The following IQSEC2 variants were observed in gnomAD, a reference collection of about 807,000 sequenced individuals.
IQSEC2 encodes IQ motif and SEC7 domain-containing protein 2.
Under a neutral mutation model 74.6 loss-of-function variants are expected in IQSEC2, and 6 were observed. The observed-to-expected ratio is 0.08, with a 90% CI of 0.04 to 0.16. The LOEUF is 0.16. IQSEC2 is among the 10% of genes least tolerant of loss of function. The pLI is 1.00. For missense variants in IQSEC2, 734 were observed against 1,306.2 expected (o/e 0.56, Z 6.75); for synonymous variants, 494 against 544.5 (o/e 0.91, Z 1.29).
Position 53,250,737 on chromosome X carries a change from G to A in IQSEC2, c.1839C>T (p.Gly613=). ...CATACACCAGCTGGCGGTGGACAGA[G>A]CCGCGATCTGAGCGGTCACTCAGGT... is the stretch of plus-strand genomic sequence containing the variant. ...SVDLSDRSDR[G]SVHRQLVYEA... is the part of the protein sequence containing the mutation. The change falls in exon 5 of 15, where the codon GGC becomes GGT. Residue 613 remains glycine (G), a synonymous_variant. Coordinates refer to ENST00000642864, the MANE Select transcript of IQSEC2 (RefSeq NM_001111125.3). 2 of 1,211,322 alleles carry A rather than the reference G, an allele frequency of 1.7e-6. No individual in the cohort carries two copies. The highest frequency in any genetic ancestry group is 2.2e-6 in the Non-Finnish European group (2 of 895,246).
At chrX:53,318,282 G>C (rs1240213610) in intron 1 of IQSEC2, among the ~76,000 whole-genome samples, 2 of 112,199 alleles carry the variant, frequency 1.8e-5, no homozygotes, top group East Asian at 2.8e-4. Flanking sequence ...TATATGGTCA[G>C]GAGAGAAACT....
chrX:53,266,891 G>T, intron 2 of IQSEC2: 1 of 575,967 alleles, frequency 1.7e-6, no homozygotes, highest in South Asian at 2.5e-5. Context: ...GAATCTGCGG[G>T]GGGGTGGGTG....
At chrX:53,298,928 T>C (rs1476805336) in intron 1 of IQSEC2, among the ~76,000 whole-genome samples, 1 of 112,163 alleles carries the variant, frequency 8.9e-6, no homozygotes, top group Non-Finnish European at 1.9e-5. Context: ...TTTATGTTTG[T>C]TTGTTTGTTT....
At chrX:53,282,548 G>A (rs2074981222) in intron 2 of IQSEC2, among the ~76,000 whole-genome samples, 1 of 112,715 alleles carries the variant, frequency 8.9e-6, no homozygotes, top group Non-Finnish European at 1.9e-5. Context: ...CCCTGGGAGG[G>A]GCCAGGGGGC....
At chrX:53,282,509 G>A (rs1013402545) in intron 2 of IQSEC2, among the ~76,000 whole-genome samples, 4 of 113,005 alleles carry the variant, frequency 3.5e-5, no homozygotes, top group Non-Finnish European at 7.5e-5. Context: ...CCAGAGCCCA[G>A]GCCCCTGGCT....
chrX:53,285,314 C>T (rs2147278578), intron 2 of IQSEC2, among the ~76,000 whole-genome samples: 1 of 112,745 alleles, frequency 8.9e-6, no homozygotes, highest in Non-Finnish European at 1.9e-5. Context: ...TGGGCTTCAT[C>T]ACAGCAGGGC....
At chrX:53,258,711 C>T (rs1397138725) in intron 2 of IQSEC2, among the ~76,000 whole-genome samples, 1 of 110,533 alleles carries the variant, frequency 9.0e-6, no homozygotes, top group Non-Finnish European at 1.9e-5. Context: ...AAAAATTAGC[C>T]GGGCGTGGTG....
intron 2 of IQSEC2, among the ~76,000 whole-genome samples, chrX:53,288,002 T>G (rs1418197024): frequency 1.8e-5 from 2 of 112,041 alleles, no homozygotes; most frequent in Non-Finnish European, 3.8e-5. Context: ...TGGCCCGAGC[T>G]GGCTCATCTG....
chrX:53,259,767 T>C, intron 2 of IQSEC2, among the ~76,000 whole-genome samples: 1 of 108,246 alleles, frequency 9.2e-6, no homozygotes, highest in South Asian at 4.1e-4. Context: ...GCCACTGCAC[T>C]CCAGCCTGGG....
intron 8 of IQSEC2, among the ~76,000 whole-genome samples, chrX:53,243,876 A>T (rs1477803525): frequency 1.8e-5 from 2 of 112,215 alleles, no homozygotes; most frequent in Non-Finnish European, 3.8e-5. Context: ...CTCTTCTAGG[A>T]ATCTACCCTA....
intron 2 of IQSEC2, among the ~76,000 whole-genome samples, chrX:53,289,464 C>T (rs1450130350): frequency 1.8e-5 from 2 of 111,262 alleles, no homozygotes; most frequent in African/African-American, 6.5e-5. Context: ...TCTCTAAACC[C>T]ACCCCCCTCG....
chrX:53,244,535 A>C (rs112896619), intron 8 of IQSEC2, among the ~76,000 whole-genome samples: 4 of 109,773 alleles, frequency 3.6e-5, no homozygotes, highest in South Asian at 7.7e-4. Context: ...CAAAAAAAAA[A>C]AAAAAAAACT....
At chrX:53,316,050 C>T (rs57470763) in intron 1 of IQSEC2, among the ~76,000 whole-genome samples, 1,419 of 112,132 alleles carry the variant, frequency 0.013, 24 homozygotes, top group African/African-American at 0.044. Context: ...ATTCTTGCCA[C>T]TCATTTTGTC....
intron 2 of IQSEC2, among the ~76,000 whole-genome samples, chrX:53,280,985 T>C (rs2074950941): frequency 8.9e-6 from 1 of 112,108 alleles, no homozygotes; most frequent in South Asian, 3.7e-4. Context: ...AGCTGCGAAT[T>C]TGAGGATGTC....
intron 2 of IQSEC2, among the ~76,000 whole-genome samples, chrX:53,267,479 C>G (rs2074678188): frequency 8.9e-6 from 1 of 112,252 alleles, no homozygotes; most frequent in African/African-American, 3.2e-5. Flanking sequence ...AGATAACTTG[C>G]TCTAGGTCAC....
intron 1 of IQSEC2, among the ~76,000 whole-genome samples, chrX:53,300,061 G>T (rs1556875161): frequency 1.8e-5 from 2 of 111,150 alleles, no homozygotes; most frequent in African/African-American, 6.6e-5. Context: ...ACTGTGCCCG[G>T]ACAGAAAAGA....
chrX:53,286,677 C>G (rs1202919268), intron 2 of IQSEC2, among the ~76,000 whole-genome samples: 6 of 111,382 alleles, frequency 5.4e-5, no homozygotes, highest in Admixed American at 4.8e-4. Flanking sequence ...CGCGGTGGCT[C>G]ACACCTATAA....
At position 53,245,264 on chromosome X, in the gene IQSEC2, CA is replaced by C. The variant is rs2147070773; in HGVS notation, c.2749+1704del. 1.8e-5 allele frequency among the ~76,000 whole-genome samples: 2 copies of C among 109,366 alleles called. 1 individual carries two copies. The highest frequency in any genetic ancestry group is 8.0e-4 in the South Asian group (2 of 2,499). The allele number at this position is 109,366 out of a possible 115,157, so 95.0% of individuals were successfully genotyped here. A position where few individuals can be genotyped will look rare whatever the true frequency, so the allele number is the denominator to read the frequency against. ...GCAACCTAGCAAGACCCTGTCTCTA[CA>C]AAAAATTTAGAAATTAGTTGGGCAT... On this transcript the variant is annotated intron_variant, in intron 8 of 14. Coordinates refer to ENST00000642864, the MANE Select transcript of IQSEC2 (RefSeq NM_001111125.3).
At chrX:53,263,393 A>G (rs1413269898) in intron 2 of IQSEC2, among the ~76,000 whole-genome samples, 3 of 111,068 alleles carry the variant, frequency 2.7e-5, no homozygotes, top group Non-Finnish European at 5.7e-5. Context: ...AGGGTTGCAC[A>G]GGACAAGAAT....
Sources: gnomAD v4.1 joint callset for allele counts (sites outside exome capture counted in the v4.1 genomes callset) on GRCh38, gnomAD v4.1.1 for gene constraint, MANE v1.5 for transcripts, NCBI Gene and HGNC (gene_info 2026-07-23, HGNC 2026-07-21) for gene names.